The following TEX9 variants were observed in gnomAD, a reference collection of about 807,000 sequenced individuals.
TEX9 encodes the protein testis-expressed protein 9.
In TEX9, 74 loss-of-function variants were observed where a neutral mutation model predicts 59.6. The observed-to-expected ratio is 1.24, with a 90% confidence interval of 1.03 to 1.51. The LOEUF is 1.51. Ranked by LOEUF, TEX9 falls within the 40% of genes most tolerant of loss-of-function variation. The probability of loss-of-function intolerance (pLI) is 0.00; values close to 1 mark genes in which losing one functional copy is unlikely to be tolerated. For missense variants in TEX9, 522 were observed against 447.8 expected (o/e 1.17, Z -1.49); for synonymous variants, 186 against 152.2 (o/e 1.22, Z -1.64).
chr15:56,287,574 C>T (rs975970777), intron 1 of TEX9, among the ~76,000 whole-genome samples: 5 of 151,992 alleles, frequency 3.3e-5, no homozygotes, highest in African/African-American at 1.2e-4. Flanking sequence ...TTCAAATATA[C>T]AATATATTGT....
At chr15:56,451,130 A>T in the TEX9 span, among the ~76,000 whole-genome samples, 1 of 152,250 alleles carries the variant, frequency 6.6e-6, no homozygotes, top group Non-Finnish European at 1.5e-5. Flanking sequence ...TTAAATCCTT[A>T]TCAGAGATAC....
chr15:56,266,442 T>C (rs2044384564), intron 1 of TEX9, among the ~76,000 whole-genome samples: 1 of 152,082 alleles, frequency 6.6e-6, no homozygotes, highest in Non-Finnish European at 1.5e-5. Context: ...CGTTGTTTAC[T>C]TTAGGTATTT....
chr15:56,300,360 A>G (rs2045315401), intron 1 of TEX9, among the ~76,000 whole-genome samples: 1 of 152,068 alleles, frequency 6.6e-6, no homozygotes, highest in Admixed American at 6.5e-5. Context: ...ATGGAACATC[A>G]AATAGGTTCA....
chr15:56,398,069 C>T (rs1034631683), intron 9 of TEX9: 2 of 152,084 alleles, frequency 1.3e-5, no homozygotes, highest in African/African-American at 4.8e-5. Flanking sequence ...TTTGTTTCCC[C>T]ACTCATCTAG....
chr15:56,315,940 C>T (rs1438078204), intron 1 of TEX9, among the ~76,000 whole-genome samples: 10 of 151,744 alleles, frequency 6.6e-5, no homozygotes, highest in South Asian at 6.3e-4. Flanking sequence ...CAGTTGATCG[C>T]GTCGGCTCCT....
At chr15:56,309,694 T>TTTTTTTG (rs2045562658) in intron 1 of TEX9, among the ~76,000 whole-genome samples, 1 of 9,904 alleles carries the variant, frequency 1.0e-4, no homozygotes, top group Non-Finnish European at 2.4e-4. Flanking sequence ...TTATGGGAAG[T>TTTTTTTG]TTTTTTTTTT....
chr15:56,378,328 C>T (rs1380435417), intron 3 of TEX9, among the ~76,000 whole-genome samples: 1 of 152,080 alleles, frequency 6.6e-6, no homozygotes, highest in Admixed American at 6.6e-5. Context: ...ATAGAATTCG[C>T]AGTGCAGCCA....
chr15:56,386,861 C>G (rs552373044), intron 4 of TEX9, among the ~76,000 whole-genome samples: 77 of 151,720 alleles, frequency 5.1e-4, no homozygotes, highest in African/African-American at 1.8e-3. Flanking sequence ...CCATGTAAAA[C>G]ATGGCATTTG....
chr15:56,432,582 A>G (rs1437995186), intron 12 of TEX9, among the ~76,000 whole-genome samples: 1 of 152,250 alleles, frequency 6.6e-6, no homozygotes, highest in Non-Finnish European at 1.5e-5. Context: ...GGGAACATTT[A>G]TAAGTCTTTA....
chr15:56,302,380 G>T (rs2045381602), intron 1 of TEX9, among the ~76,000 whole-genome samples: 1 of 149,660 alleles, frequency 6.7e-6, no homozygotes, highest in African/African-American at 2.5e-5. Context: ...AAATAGCTAT[G>T]TGTGCTGGCA....
chr15:56,309,577 G>A (rs1596078788), intron 1 of TEX9, among the ~76,000 whole-genome samples: 3 of 151,258 alleles, frequency 2.0e-5, no homozygotes, highest in African/African-American at 7.3e-5. Context: ...GAATTGGCAA[G>A]TATTCTCTCC....
At chr15:56,362,716 G>T (rs1424243228), upstream of TEX9, among the ~76,000 whole-genome samples, 3 of 152,128 alleles carry the variant, frequency 2.0e-5, no homozygotes, top group Non-Finnish European at 2.9e-5. Context: ...TCCATCATCT[G>T]CCAAGCCTAG....
chr15:56,268,903 C>G (rs2044455523), intron 1 of TEX9, among the ~76,000 whole-genome samples: 1 of 152,032 alleles, frequency 6.6e-6, no homozygotes. Context: ...AGGAATGGTA[C>G]CAGCTCCTTT....
At chr15:56,404,807 A>G (rs1310263230) in intron 9 of TEX9, among the ~76,000 whole-genome samples, 1 of 152,214 alleles carries the variant, frequency 6.6e-6, no homozygotes, top group Non-Finnish European at 1.5e-5. Context: ...CAGCCATAAA[A>G]AAGGGTGAGT....
chr15:56,249,487 G>C (rs1034130556), intron 1 of TEX9, among the ~76,000 whole-genome samples: 14 of 151,558 alleles, frequency 9.2e-5, no homozygotes, highest in Admixed American at 5.9e-4. Flanking sequence ...GGGAGGGAGG[G>C]AAGGAAGGAA....
intron 10 of TEX9, among the ~76,000 whole-genome samples, chr15:56,420,618 A>C (rs2049935947): frequency 6.6e-6 from 1 of 151,776 alleles, no homozygotes; most frequent in South Asian, 2.1e-4. Context: ...TCTTTTTCTA[A>C]TTTTTAAAAT....
At chr15:56,395,016 T>C (rs1679709089) in intron 9 of TEX9, 182 bp downstream of exon 9, 1 of 624,948 alleles carries the variant, frequency 1.6e-6, no homozygotes, top group Non-Finnish European at 2.7e-6. Context: ...CCTTTTAAAG[T>C]ATGCAATTCA....
At chr15:56,269,745 C>T (rs1345257502) in intron 1 of TEX9, among the ~76,000 whole-genome samples, 4 of 151,752 alleles carry the variant, frequency 2.6e-5, no homozygotes, top group African/African-American at 9.7e-5. Context: ...CTCTGCCTCC[C>T]AGGTTTTACA....
At chr15:56,410,765 A>G (rs1169047088) in intron 9 of TEX9, among the ~76,000 whole-genome samples, 1 of 152,184 alleles carries the variant, frequency 6.6e-6, no homozygotes, top group Non-Finnish European at 1.5e-5. Context: ...GGAAAGATTC[A>G]TTTCTATATT....
Sources: gnomAD v4.1 joint callset for allele counts (sites outside exome capture counted in the v4.1 genomes callset) on GRCh38, gnomAD v4.1.1 for gene constraint, MANE v1.5 for transcripts, NCBI Gene and HGNC (gene_info 2026-07-23, HGNC 2026-07-21) for gene names.